Variants in FBXO16 observed in about 807,000 individuals in gnomAD.
FBXO16 encodes the protein F-box only protein 16.
Under a neutral mutation model 41.0 loss-of-function variants are expected in FBXO16, and 31 were observed. The observed-to-expected ratio is 0.76, with a 90% confidence interval of 0.57 to 1.02. FBXO16 has a LOEUF of 1.02. FBXO16 is among the 50% of genes least tolerant of loss of function. FBXO16 has a pLI of 0.00. For missense variants in FBXO16, 361 were observed against 346.2 expected (o/e 1.04, Z -0.34); for synonymous variants, 133 against 117.8 (o/e 1.13, Z -0.84).
At chr8:28,487,299 C>T (rs1295043285) in intron 1 of FBXO16, among the ~76,000 whole-genome samples, 2 of 151,952 alleles carry the variant, frequency 1.3e-5, no homozygotes, top group Non-Finnish European at 2.9e-5. Context: ...CAGTATTTTC[C>T]TCCTTCCTCC....
At chr8:28,467,679 G>A (rs375010353) in intron 3 of FBXO16, among the ~76,000 whole-genome samples, 1 of 152,282 alleles carries the variant, frequency 6.6e-6, no homozygotes, top group African/African-American at 2.4e-5. Flanking sequence ...CTACTTTCCC[G>A]CTGTCCCCAA....
chr8:28,471,003 G>GA (rs1347687820), intron 3 of FBXO16, among the ~76,000 whole-genome samples: 4 of 152,144 alleles, frequency 2.6e-5, no homozygotes, highest in African/African-American at 9.7e-5. Context: ...GAAGCTGAGA[G>GA]AAAATCTGAG....
chr8:28,451,584 T>C (rs1455254410), intron 6 of FBXO16, among the ~76,000 whole-genome samples: 4 of 151,666 alleles, frequency 2.6e-5, no homozygotes, highest in Non-Finnish European at 5.9e-5. Context: ...AATCAGTAAA[T>C]CTAATGAGTG....
intron 3 of FBXO16, among the ~76,000 whole-genome samples, chr8:28,471,805 CAA>C (rs557259701): frequency 8.4e-5 from 2 of 23,728 alleles, no homozygotes; most frequent in Non-Finnish European, 1.4e-4. Flanking sequence ...CAGAGAATCT[CAA>C]AAAAAAAAAA....
At chr8:28,455,161 C>T (rs1803019341) in intron 5 of FBXO16, among the ~76,000 whole-genome samples, 2 of 151,772 alleles carry the variant, frequency 1.3e-5, no homozygotes, top group African/African-American at 4.8e-5. Flanking sequence ...CTGCAACCTC[C>T]ACCTCCTGGG....
chr8:28,461,561 T>G (rs1226795718), intron 4 of FBXO16, among the ~76,000 whole-genome samples: 1 of 151,866 alleles, frequency 6.6e-6, no homozygotes. Context: ...TTGGTCTTTT[T>G]TTTTTCTTAA....
chr8:28,471,738 G>A (rs1028514586), intron 3 of FBXO16, among the ~76,000 whole-genome samples: 5 of 121,272 alleles, frequency 4.1e-5, no homozygotes, highest in African/African-American at 6.4e-5. Flanking sequence ...AATGTATAAC[G>A]AAAAACAGGA....
rs187740365 is a variant in FBXO16 at position 28,463,929 on chromosome 8, T to C, written c.136-111A>G. 2.9e-4 allele frequency: 300 copies of C among 1,019,924 alleles called. No individual in the cohort carries two copies. In the African/African-American group the frequency reaches 4.3e-3, roughly 14 times the overall value. 63.2% of individuals were successfully genotyped at this position (1,019,924 alleles called of 1,614,324 possible). On this transcript the variant is annotated intron_variant, in intron 3 of 8. Transcript: ENST00000380254. ...ATAGAAAGGGAGTTTAGTAATTTAT[T>C]TCTAGTATTTATTTCCCTAATCAGC...
intron 3 of FBXO16, among the ~76,000 whole-genome samples, chr8:28,471,451 T>C (rs113392320): frequency 6.9e-6 from 1 of 144,514 alleles, no homozygotes; most frequent in Admixed American, 6.7e-5. Flanking sequence ...TCCTCTCTCT[T>C]TCTTTCTTTC....
intron 1 of FBXO16, among the ~76,000 whole-genome samples, chr8:28,486,052 G>A (rs1178991974): frequency 6.7e-6 from 1 of 150,136 alleles, no homozygotes; most frequent in Non-Finnish European, 1.5e-5. Context: ...GTTGCAGTGA[G>A]CTGAGGTCGC....
intron 7 of FBXO16, among the ~76,000 whole-genome samples, chr8:28,443,910 G>A (rs140235820): frequency 4.5e-3 from 691 of 152,260 alleles, no homozygotes; most frequent in African/African-American, 9.4e-3. Context: ...GTCTAAAAGC[G>A]GGAGACATGA....
At chr8:28,472,215 C>G (rs968742600) in intron 3 of FBXO16, among the ~76,000 whole-genome samples, 4 of 152,104 alleles carry the variant, frequency 2.6e-5, no homozygotes, top group African/African-American at 9.7e-5. Context: ...CTTACCCATC[C>G]CAAGTAGCTG....
intron 7 of FBXO16, among the ~76,000 whole-genome samples, chr8:28,439,628 G>A (rs116295731): frequency 0.012 from 1,762 of 151,958 alleles, 30 homozygotes; most frequent in African/African-American, 0.04. Flanking sequence ...CACAGGTCCC[G>A]GCTACCTGGG....
At chr8:28,479,524 C>T (rs894299169) in intron 2 of FBXO16, among the ~76,000 whole-genome samples, 7 of 152,246 alleles carry the variant, frequency 4.6e-5, no homozygotes, top group African/African-American at 7.2e-5. Context: ...ATCTAATTAA[C>T]GCATATTTGA....
In FBXO16 at chr8:28,456,783, G is replaced by T. The variant is rs371713100; in HGVS notation, c.490C>A (p.His164Asn). The change falls in exon 5 of 9, where the codon CAT (histidine) becomes AAT (asparagine). Residue 164 changes from histidine to asparagine, a missense_variant. Transcript: ENST00000380254. ...AAATTCACCTTAGGCTTGGTAATAT[G>T]AAGTTCTTTCACCATTTGAATATAG... ...KHYIQMVKEL[H>N]ITKPKTPPKD... The T allele has an allele frequency of 6.2e-6, 10 of 1,614,022 alleles. No homozygotes were observed. In the African/African-American group the frequency reaches 1.2e-4, roughly 19 times the overall value.
At chr8:28,473,383 A>AC (rs966455072) in intron 3 of FBXO16, among the ~76,000 whole-genome samples, 4 of 151,580 alleles carry the variant, frequency 2.6e-5, no homozygotes, top group African/African-American at 4.9e-5. Context: ...TGAAATCTCA[A>AC]CCCCCCAGTG....
intron 7 of FBXO16, among the ~76,000 whole-genome samples, chr8:28,432,018 T>A (rs1227551673): frequency 1.3e-5 from 2 of 152,058 alleles, no homozygotes; most frequent in African/African-American, 4.8e-5. Flanking sequence ...TGAGCAAACG[T>A]AGACATAAAA....
At chr8:28,456,579 G>A (rs898933181) in intron 5 of FBXO16, 187 bp downstream of exon 5, 5 of 639,478 alleles carry the variant, frequency 7.8e-6, no homozygotes, top group Non-Finnish European at 1.3e-5. Flanking sequence ...GCAAATGAGG[G>A]CTCTCAACTA....
intron 3 of FBXO16, among the ~76,000 whole-genome samples, chr8:28,469,248 G>T (rs112095732): frequency 0.012 from 1,828 of 152,162 alleles, 41 homozygotes; most frequent in African/African-American, 0.041. Flanking sequence ...GGGAGGCGGA[G>T]GTTGTGGTGA....
Sources: gnomAD v4.1 joint callset for allele counts (sites outside exome capture counted in the v4.1 genomes callset) on GRCh38, gnomAD v4.1.1 for gene constraint, MANE v1.5 for transcripts, NCBI Gene and HGNC (gene_info 2026-07-23, HGNC 2026-07-21) for gene names.